CTNND2: variants seen among roughly 807,000 people sequenced by gnomAD.
CTNND2 encodes the protein catenin delta-2.
Under a neutral mutation model 144.4 loss-of-function variants are expected in CTNND2, and 22 were observed. That is an observed-to-expected ratio of 0.15 (90% CI 0.11 to 0.22). CTNND2 has a LOEUF of 0.22. Ranked by LOEUF, CTNND2 falls within the 10% of genes least tolerant of loss-of-function variation. The pLI is 1.00. For synonymous variants in CTNND2, 751 were observed against 695.6 expected, an observed-to-expected ratio of 1.08 and a Z score of -1.25; for missense variants, 1,353 against 1,618.8, an observed-to-expected ratio of 0.84 and a Z score of 2.82.
At chr5:11,876,366 G>GA (rs1008424411) in intron 1 of CTNND2, among the ~76,000 whole-genome samples, 4 of 151,836 alleles carry the variant, frequency 2.6e-5, no homozygotes, top group Admixed American at 6.6e-5. Context: ...AACGAAAAAG[G>GA]AAAAAAGATT....
intron 9 of CTNND2, among the ~76,000 whole-genome samples, chr5:11,344,253 G>A (rs1271185481): frequency 1.3e-5 from 2 of 152,108 alleles, no homozygotes; most frequent in Non-Finnish European, 2.9e-5. Context: ...TTAGCCGGGC[G>A]CGGTGGCGGG....
intron 2 of CTNND2, among the ~76,000 whole-genome samples, chr5:11,636,875 T>C (rs934163441): frequency 1.4e-4 from 21 of 152,316 alleles, no homozygotes; most frequent in African/African-American, 5.1e-4. Context: ...TATTTGGAAG[T>C]TGGAGGCAAT....
chr5:11,243,842 G>T (rs756991219), intron 9 of CTNND2, among the ~76,000 whole-genome samples: 3 of 152,244 alleles, frequency 2.0e-5, no homozygotes, highest in Non-Finnish European at 2.9e-5. Flanking sequence ...AGAGTCCCAG[G>T]ACAACTAGAA....
chr5:11,248,425 T>C (rs1280791071), intron 9 of CTNND2, among the ~76,000 whole-genome samples: 1 of 152,018 alleles, frequency 6.6e-6, no homozygotes, highest in African/African-American at 2.4e-5. Context: ...GTAGATATTA[T>C]ATATGTATAA....
At chr5:11,352,745 A>G (rs11958644) in intron 8 of CTNND2, among the ~76,000 whole-genome samples, 35,206 of 152,118 alleles carry the variant, frequency 0.23, 4,318 homozygotes, top group South Asian at 0.31. Flanking sequence ...ATAAATTAGC[A>G]GGAAAAAAAC....
chr5:11,159,733 C>T lies in CTNND2; in HGVS notation c.2002G>A (p.Asp668Asn), dbSNP rs1398024593. ...TGGATGATTGGCATTTTGAGTGCATCGCATGAGGAGAGGTTCCAAAGGACT... is the reference window on the plus strand; with the variant it reads ...TGGATGATTGGCATTTTGAGTGCATTGCATGAGGAGAGGTTCCAAAGGACT... ...TGVLWNLSSCDALKMPIIQDA... is the reference protein window; with the variant it reads ...TGVLWNLSSCNALKMPIIQDA... Residue 668 changes from aspartate to asparagine, a missense_variant, in exon 12 of 22, where the codon GAT (aspartate) becomes AAT (asparagine). Physicochemically the swap from Asp to Asn is conservative, Grantham distance 23. Around this residue, in one of 4 missense-constraint regions of CTNND2, gnomAD observed 117 missense variants for 117.8 expected, o/e 0.99. Transcript: ENST00000304623. 2 of 1,604,280 alleles carry T rather than the reference C, an allele frequency of 1.2e-6. No homozygotes were observed. Among genetic ancestry groups the T allele is most frequent in the Non-Finnish European group, 1.7e-6 (2 of 1,175,368 alleles).
At chr5:11,008,552 G>A (rs1420127075) in intron 18 of CTNND2, among the ~76,000 whole-genome samples, 1 of 152,178 alleles carries the variant, frequency 6.6e-6, no homozygotes, top group Non-Finnish European at 1.5e-5. Context: ...TGATAAGGTA[G>A]TATGCCAGGA....
intron 16 of CTNND2, among the ~76,000 whole-genome samples, chr5:11,032,320 G>T (rs114545409): frequency 0.014 from 2,109 of 152,276 alleles, 48 homozygotes; most frequent in African/African-American, 0.048. Context: ...GTTGTTTGAT[G>T]TTTACAATGC....
At chr5:11,359,433 CCT>C (rs1013372442) in intron 8 of CTNND2, among the ~76,000 whole-genome samples, 3 of 152,282 alleles carry the variant, frequency 2.0e-5, no homozygotes, top group African/African-American at 2.4e-5. Flanking sequence ...CCCGCCTCCC[CCT>C]GTTAATGGTC....
intron 2 of CTNND2, among the ~76,000 whole-genome samples, chr5:11,621,794 A>C (rs1445072008): frequency 6.6e-6 from 1 of 152,166 alleles, no homozygotes; most frequent in African/African-American, 2.4e-5. Context: ...TTCCCATCTG[A>C]AAATTTTAAA....
At chr5:11,173,869 C>A (rs1390516723) in intron 11 of CTNND2, among the ~76,000 whole-genome samples, 2 of 152,178 alleles carry the variant, frequency 1.3e-5, no homozygotes, top group African/African-American at 2.4e-5. Flanking sequence ...ATTTCTGTCA[C>A]CCCAAAAGGA....
chr5:11,412,186 T>C, intron 3 of CTNND2, 117 bp from the exon 4 acceptor site: 1 of 705,992 alleles, frequency 1.4e-6, no homozygotes, highest in Non-Finnish European at 2.5e-6. Flanking sequence ...TGCATTTCCT[T>C]TCATTTCTTA....
intron 14 of CTNND2, among the ~76,000 whole-genome samples, chr5:11,105,594 T>C (rs1372343249): frequency 1.3e-5 from 2 of 152,086 alleles, no homozygotes; most frequent in African/African-American, 4.8e-5. Flanking sequence ...AAAATACAAT[T>C]AAGAAAACTA....
chr5:11,447,358 C>T (rs1201784474), intron 3 of CTNND2, among the ~76,000 whole-genome samples: 2 of 149,580 alleles, frequency 1.3e-5, no homozygotes, highest in Non-Finnish European at 1.5e-5. Flanking sequence ...AAAAAAAAGA[C>T]AAACAAACAA....
At chr5:11,893,257 T>C (rs1253027858) in intron 1 of CTNND2, among the ~76,000 whole-genome samples, 2 of 152,324 alleles carry the variant, frequency 1.3e-5, no homozygotes, top group Admixed American at 6.5e-5. Context: ...TGTGATGGAA[T>C]TAAGGCTGCA....
intron 16 of CTNND2, among the ~76,000 whole-genome samples, chr5:11,068,035 A>G (rs1747805461): frequency 6.6e-6 from 1 of 152,244 alleles, no homozygotes; most frequent in East Asian, 1.9e-4. Flanking sequence ...TAAATAATAT[A>G]AAGTTTGGAT....
intron 3 of CTNND2, among the ~76,000 whole-genome samples, chr5:11,506,162 C>T (rs2150016943): frequency 6.6e-6 from 1 of 152,174 alleles, no homozygotes; most frequent in East Asian, 1.9e-4. Flanking sequence ...TGACTCCTCC[C>T]CAAGCTCCAG....
chr5:10,973,436 C>T lies in CTNND2; in HGVS notation c.*17G>A, dbSNP rs1441582820. The stretch of plus-strand genomic sequence containing the variant: ...GCATGCACATGCACTGTTCCCGGAG[C>T]GCCTGTGCCCTGCTCCTCACACCCA... On this transcript the variant is annotated 3_prime_UTR_variant, in exon 22 of 22. Coordinates refer to ENST00000304623, the MANE Select transcript of CTNND2 (RefSeq NM_001332.4). This position sits in a 1 kb window ranked among gnomAD's most constrained non-coding sequence, Gnocchi z 5.6. The T allele has an allele frequency of 9.0e-6, 14 of 1,550,438 alleles. No homozygotes were observed. Among genetic ancestry groups the T allele is most frequent in the Non-Finnish European group, 1.2e-5 (14 of 1,149,418 alleles).
At chr5:11,226,953 T>C (rs1740424313) in intron 10 of CTNND2, among the ~76,000 whole-genome samples, 1 of 152,192 alleles carries the variant, frequency 6.6e-6, no homozygotes, top group South Asian at 2.1e-4. Context: ...CTTGGGTCTA[T>C]ATGTTGCTTT....
Sources: allele counts gnomAD v4.1 joint callset (sites outside exome capture counted in the v4.1 genomes callset), GRCh38; gene constraint gnomAD v4.1.1; regional missense constraint gnomAD v4.1.1; non-coding constraint Gnocchi (gnomAD v3.1); transcripts MANE v1.5; gene names NCBI Gene and HGNC (gene_info 2026-07-23, HGNC 2026-07-21).